Variants in RAI1 observed in about 807,000 individuals in gnomAD.
RAI1 encodes the protein retinoic acid-induced protein 1.
In RAI1, 9 loss-of-function variants were observed where a neutral mutation model predicts 123.8. That is an observed-to-expected ratio of 0.07 (90% CI 0.04 to 0.13). The LOEUF is 0.13. Among genes scored for constraint, RAI1 ranks in the 10% least tolerant of loss-of-function variants. The pLI is 1.00. For missense variants in RAI1, 2,256 were observed against 2,545.8 expected (o/e 0.89, Z 2.45); for synonymous variants, 1,231 against 1,127.3 (o/e 1.09, Z -1.84).
intron 1 of RAI1, chr17:17,684,504 C>G (rs1255301911): frequency 1.3e-5 from 2 of 151,636 alleles, no homozygotes; most frequent in Non-Finnish European, 2.9e-5. Context: ...CTAATAATTC[C>G]TCTCATGTTA....
rs1381116198 is a variant in RAI1, at chr17:17,809,781, G to C, written c.5710-189G>C. 6.6e-6 allele frequency among the ~76,000 whole-genome samples: 1 copy of C among 150,928 alleles called. No homozygotes were observed. Among genetic ancestry groups the C allele is most frequent in the Non-Finnish European group, 1.5e-5 (1 of 67,962 alleles). ...GGGACGGTGGCACGGAGCTGAAGGC[G>C]AAGGTGAAGGTGAAGCTGGACGGGG... is the stretch of plus-strand genomic sequence containing the variant. On this transcript the variant is annotated intron_variant, in intron 5 of 5. Transcript: ENST00000353383. The surrounding 1 kb of genome is among the most constrained non-coding windows in gnomAD (Gnocchi z 4.9).
In RAI1 at chr17:17,795,116, C is replaced by A; in HGVS notation, c.2168C>A (p.Thr723Lys). 1 of 1,614,120 alleles carries A rather than the reference C, an allele frequency of 6.2e-7. No homozygotes were observed. ...TLGVPAPDPT[T>K]AAFDCFPDTT... ...GGGGTTCCTGCTCCAGACCCCACTA[C>A]AGCAGCTTTTGACTGTTTCCCGGAC... is the stretch of plus-strand genomic sequence containing the variant. The change falls in exon 3 of 6, where the codon ACA (threonine) becomes AAA (lysine). Residue 723 changes from threonine (T) to lysine (K), a missense_variant. Physicochemically the swap from Thr to Lys is moderately conservative, Grantham distance 78. This residue lies in a region of RAI1 where 566 missense variants were observed against 616.0 expected (regional missense o/e 0.92). Transcript: ENST00000353383. The surrounding 1 kb of genome is among the most constrained non-coding windows in gnomAD (Gnocchi z 5.9).
In RAI1 at chr17:17,793,856, T is replaced by C; in HGVS notation, c.908T>C (p.Leu303Pro). The C allele has an allele frequency of 6.2e-7, 1 of 1,613,094 alleles. No homozygotes were observed. Among genetic ancestry groups the C allele is most frequent in the Non-Finnish European group, 8.5e-7 (1 of 1,179,966 alleles). Residue 303 changes from leucine to proline, a missense_variant, in exon 3 of 6, where the codon CTC (leucine) becomes CCC (proline). Transcript: ENST00000353383. ...LQSRHHAQET[L>P]HYQNLAKYQH... Reference sequence around the variant, plus strand: ...AGCCGGCACCATGCCCAGGAAACCCTCCATTACCAAAACCTCGCCAAGTAT... The same window carrying C: ...AGCCGGCACCATGCCCAGGAAACCCCCCATTACCAAAACCTCGCCAAGTAT...
chr17:17,785,349 C>G (rs1170239222), intron 2 of RAI1, among the ~76,000 whole-genome samples: 1 of 152,218 alleles, frequency 6.6e-6, no homozygotes, highest in South Asian at 2.1e-4. Flanking sequence ...AACCCAGCAC[C>G]CCAATCCATC....
In RAI1 at chr17:17,810,928, A is replaced by T. The variant is rs1420103488; in HGVS notation, c.*947A>T. The T allele has an allele frequency of 2.7e-6, 1 of 370,730 alleles. No individual in the cohort carries two copies. 23.0% of individuals were successfully genotyped at this position (370,730 alleles called of 1,614,324 possible). On this transcript the variant is annotated 3_prime_UTR_variant, in exon 6 of 6. Transcript: ENST00000353383. The surrounding 1 kb of genome is among the most constrained non-coding windows in gnomAD (Gnocchi z 4.6). ...ACCCCTCTATATATATGTTACATAG[A>T]ATGTATATATGTTGGGAACATGCTC...
At chr17:17,766,363 T>C (rs1312445041) in intron 2 of RAI1, 1 of 152,076 alleles carries the variant, frequency 6.6e-6, no homozygotes, top group Admixed American at 6.5e-5. Flanking sequence ...TCTATGTAAA[T>C]TGTTTCAGCG....
intron 1 of RAI1, chr17:17,684,814 G>A (rs924709621): frequency 2.6e-5 from 4 of 151,410 alleles, no homozygotes; most frequent in East Asian, 1.9e-4. Flanking sequence ...TTTCCTCTCC[G>A]TTTGTCTTGG....
In RAI1 at chr17:17,685,978, C is replaced by T. The variant is rs1054853541; in HGVS notation, c.-149+4185C>T. ...GACGTCCTGTCTCCTCCTCCTCTGACCTCCGAGGCAGAATGAGTCATCTCC... is the reference window on the plus strand; with the variant it reads ...GACGTCCTGTCTCCTCCTCCTCTGATCTCCGAGGCAGAATGAGTCATCTCC... On this transcript the variant is annotated intron_variant, in intron 1 of 5. Coordinates refer to ENST00000353383, the MANE Select transcript of RAI1 (RefSeq NM_030665.4). The surrounding 1 kb of genome is among the most constrained non-coding windows in gnomAD (Gnocchi z 4.0). Among the ~76,000 whole-genome samples, 1 of 152,252 alleles carries T rather than the reference C, an allele frequency of 6.6e-6. No homozygotes were observed. Among genetic ancestry groups the T allele is most frequent in the Non-Finnish European group, 1.5e-5 (1 of 68,052 alleles).
chr17:17,739,534 T>G (rs555702161), intron 2 of RAI1, among the ~76,000 whole-genome samples: 2 of 152,328 alleles, frequency 1.3e-5, no homozygotes, highest in East Asian at 3.9e-4. Context: ...CCGTAAGGCC[T>G]GGGATGCCTG....
At chr17:17,686,375 G>T (rs1914635047) in intron 1 of RAI1, among the ~76,000 whole-genome samples, 1 of 152,106 alleles carries the variant, frequency 6.6e-6, no homozygotes, top group East Asian at 1.9e-4. Flanking sequence ...TCCTGAGGGG[G>T]CTGGGAGAAA....
intron 2 of RAI1, among the ~76,000 whole-genome samples, chr17:17,742,618 T>C (rs1203756266): frequency 6.6e-6 from 1 of 152,150 alleles, no homozygotes; most frequent in Admixed American, 6.5e-5. Context: ...ATGCACTCGT[T>C]TTAAAAGAGA....
At chr17:17,773,066 TG>T in intron 2 of RAI1, among the ~76,000 whole-genome samples, 1 of 12,108 alleles carries the variant, frequency 8.3e-5, no homozygotes, top group South Asian at 2.8e-3. Context: ...GATGGGTGGG[TG>T]GGTGGGTGGA....
chr17:17,767,657 G>T (rs796262818), intron 2 of RAI1, among the ~76,000 whole-genome samples: 4 of 152,344 alleles, frequency 2.6e-5, no homozygotes, highest in African/African-American at 9.6e-5. Flanking sequence ...GGTTTGGAAG[G>T]CTTGCTGTGT....
In RAI1 at chr17:17,719,405, C is replaced by T. The variant is rs145647972; in HGVS notation, c.-148-4623C>T. Reference sequence around the variant, plus strand: ...CCTGGCTGCTGCCTCAGGGTCTTTGCACTTGTTCTTCCTTCTGCCTGCACA... The same window carrying T: ...CCTGGCTGCTGCCTCAGGGTCTTTGTACTTGTTCTTCCTTCTGCCTGCACA... On this transcript the variant is annotated intron_variant, in intron 1 of 5. Transcript: ENST00000353383. 2.0e-3 allele frequency among the ~76,000 whole-genome samples: 297 copies of T among 152,294 alleles called. 2 individuals are homozygous for T. The highest frequency in any genetic ancestry group is 0.019 in the South Asian group (90 of 4,822).
chr17:17,698,644 C>T (rs1231198265), intron 1 of RAI1, among the ~76,000 whole-genome samples: 1 of 152,230 alleles, frequency 6.6e-6, no homozygotes, highest in African/African-American at 2.4e-5. Flanking sequence ...CCTGCCTGCA[C>T]CCCCAGGCCA....
intron 2 of RAI1, among the ~76,000 whole-genome samples, chr17:17,743,433 C>T (rs1243284574): frequency 6.6e-6 from 1 of 152,244 alleles, no homozygotes; most frequent in African/African-American, 2.4e-5. Context: ...ATGCCAGGCC[C>T]CCAGGGCGCA....
At chr17:17,769,750 C>A (rs1433463409) in intron 2 of RAI1, among the ~76,000 whole-genome samples, 2 of 152,160 alleles carry the variant, frequency 1.3e-5, no homozygotes, top group Non-Finnish European at 2.9e-5. Context: ...GCAAGCAAGG[C>A]CTGTGGGGCG....
chr17:17,733,008 A>G (rs1916317542), intron 2 of RAI1, among the ~76,000 whole-genome samples: 3 of 152,208 alleles, frequency 2.0e-5, no homozygotes, highest in Non-Finnish European at 4.4e-5. Context: ...CCCTGAAAAA[A>G]AAAATCAGGT....
At chr17:17,735,436 C>T (rs2142957529) in intron 2 of RAI1, among the ~76,000 whole-genome samples, 2 of 149,852 alleles carry the variant, frequency 1.3e-5, no homozygotes, top group East Asian at 4.0e-4. Flanking sequence ...TCACTGCAAT[C>T]TCCGCCTCCC....
Sources: gnomAD v4.1 joint callset for allele counts (sites outside exome capture counted in the v4.1 genomes callset) on GRCh38, gnomAD v4.1.1 for gene constraint, gnomAD v4.1.1 regional missense constraint, Gnocchi (gnomAD v3.1) non-coding constraint, MANE v1.5 for transcripts, NCBI Gene and HGNC (gene_info 2026-07-23, HGNC 2026-07-21) for gene names.